The following HMGA2 variants were observed in gnomAD, a reference collection of about 807,000 sequenced individuals.
HMGA2 encodes the protein high mobility group AT-hook 2.
A neutral mutation model predicts 19.1 loss-of-function variants in HMGA2; 8 were observed. The ratio of observed to expected loss-of-function variants is 0.42; its 90% CI spans 0.25 to 0.76. HMGA2 has a LOEUF of 0.76. HMGA2 is among the 30% of genes least tolerant of loss of function. HMGA2 has a pLI of 0.28. For missense variants in HMGA2, 109 were observed against 136.3 expected, an observed-to-expected ratio of 0.80 and a Z score of 1.00; for synonymous variants, 60 against 48.8, an observed-to-expected ratio of 1.23 and a Z score of -0.96.
rs1199903745 is a variant in HMGA2 at position 65,965,129 on chromosome 12, TAAATA to T, written c.*1846_*1850del. 1.0e-5 allele frequency: 2 copies of T among 195,328 alleles called. No individual in the cohort carries two copies. The highest frequency in any genetic ancestry group is 8.0e-5 in the East Asian group (1 of 12,466). The allele number at this position is 195,328 out of a possible 1,614,324, so 12.1% of individuals were successfully genotyped here. On this transcript the variant is annotated 3_prime_UTR_variant, in exon 5 of 5. Coordinates refer to ENST00000403681, the MANE Select transcript of HMGA2 (RefSeq NM_003483.6). ...ATACTTTTGCAAAATAAGTAAATAA[TAAATA>T]AAATAAAAGCCAACCTTCAAAGAAA...
At chr12:65,945,338 A>C (rs371441745) in intron 3 of HMGA2, among the ~76,000 whole-genome samples, 1 of 152,302 alleles carries the variant, frequency 6.6e-6, no homozygotes, top group East Asian at 1.9e-4. Context: ...AAGTTTTAAA[A>C]CTAAATCCGG....
intron 3 of HMGA2, among the ~76,000 whole-genome samples, chr12:65,888,457 C>A (rs1004268019): frequency 1.3e-5 from 2 of 149,744 alleles, no homozygotes; most frequent in Non-Finnish European, 3.0e-5. Flanking sequence ...TCAGTCCCCC[C>A]CAAAAAAAGA....
chr12:65,861,750 T>C (rs932549432), intron 3 of HMGA2, among the ~76,000 whole-genome samples: 2 of 151,874 alleles, frequency 1.3e-5, no homozygotes, highest in African/African-American at 4.8e-5. Context: ...TACTTAAATT[T>C]TTTTTCTCTC....
At chr12:65,952,296 T>C in intron 4 of HMGA2, 1 of 1,138,798 alleles carries the variant, frequency 8.8e-7, no homozygotes, top group Non-Finnish European at 1.3e-6. Flanking sequence ...ATTTTAAGTA[T>C]CCATGAAATT....
In HMGA2 at chr12:65,839,228, T is replaced by A. The variant is rs573275823; in HGVS notation, c.249+659T>A. ...ATCCTGTATCTTTTGAGGCCAGAAA[T>A]TCAGTGGTCACTGAAGAGCTTTGCT... is the stretch of plus-strand genomic sequence containing the variant. On this transcript the variant is annotated intron_variant, in intron 3 of 4. Transcript: ENST00000403681. Among the ~76,000 whole-genome samples the A allele has an allele frequency of 2.6e-5, 4 of 152,194 alleles. No individual in the cohort carries two copies. In the East Asian group the frequency reaches 7.7e-4, roughly 29 times the overall value.
At chr12:65,959,394 G>A (rs1396810295) in intron 4 of HMGA2, among the ~76,000 whole-genome samples, 1 of 152,084 alleles carries the variant, frequency 6.6e-6, no homozygotes, top group Non-Finnish European at 1.5e-5. Context: ...CAAAGTAAGT[G>A]CACTTTTCCA....
chr12:65,859,918 T>C (rs1186134116), intron 3 of HMGA2: 1 of 213,780 alleles, frequency 4.7e-6, no homozygotes, highest in Non-Finnish European at 9.8e-6. Context: ...GCCCCATCTC[T>C]AAAAAAAAAA....
chr12:65,825,294 G>C lies in HMGA2; in HGVS notation c.24G>C (p.Ala8=). 1.3e-6 allele frequency: 2 copies of C among 1,533,770 alleles called. No individual in the cohort carries two copies. The highest frequency in any genetic ancestry group is 1.7e-6 in the Non-Finnish European group (2 of 1,144,282). The change falls in exon 1 of 5, where the codon GCG becomes GCC. Residue 8 remains alanine, a synonymous_variant. Coordinates refer to ENST00000403681, the MANE Select transcript of HMGA2 (RefSeq NM_003483.6). The surrounding 1 kb of genome is among the most constrained non-coding windows in gnomAD (Gnocchi z 4.4). ...GGATGAGCGCACGCGGTGAGGGCGC[G>C]GGGCAGCCGTCCACTTCAGCCCAGG... The part of the protein sequence containing the change: MSARGEG[A]GQPSTSAQGQ...
At chr12:65,943,748 G>A (rs1876168415) in intron 3 of HMGA2, among the ~76,000 whole-genome samples, 2 of 152,100 alleles carry the variant, frequency 1.3e-5, no homozygotes, top group Non-Finnish European at 2.9e-5. Flanking sequence ...GCACCATAAG[G>A]GCCAGATGTT....
intron 3 of HMGA2, among the ~76,000 whole-genome samples, chr12:65,896,857 G>A (rs1303312275): frequency 6.6e-6 from 1 of 152,208 alleles, no homozygotes; most frequent in South Asian, 2.1e-4. Context: ...TAGTTGAGAT[G>A]AATGAGTCTG....
chr12:65,853,625 C>T (rs1871584150), intron 3 of HMGA2, among the ~76,000 whole-genome samples: 1 of 152,112 alleles, frequency 6.6e-6, no homozygotes, highest in Non-Finnish European at 1.5e-5. Flanking sequence ...CTCGCTTAAT[C>T]GTTTTTGGCC....
chr12:65,924,879 CTTCCTATTTTCTTCCA>C (rs1212720766), intron 3 of HMGA2, among the ~76,000 whole-genome samples: 1 of 152,166 alleles, frequency 6.6e-6, no homozygotes, highest in African/African-American at 2.4e-5. Context: ...CAGAACAGGT[CTTCCTATTTTCTTCCA>C]TCCCTCTTCT....
At chr12:65,888,193 C>A (rs894471774) in intron 3 of HMGA2, among the ~76,000 whole-genome samples, 1 of 152,010 alleles carries the variant, frequency 6.6e-6, no homozygotes, top group African/African-American at 2.4e-5. Flanking sequence ...CAGTGGCACA[C>A]ACCTGTAATC....
At chr12:65,868,684 A>T (rs1872559698) in intron 3 of HMGA2, among the ~76,000 whole-genome samples, 2 of 152,178 alleles carry the variant, frequency 1.3e-5, no homozygotes, top group Admixed American at 6.5e-5. Flanking sequence ...TGGTTTGTGG[A>T]ATCATGACAT....
chr12:65,958,073 C>T lies in HMGA2; in HGVS notation c.283-5172C>T, dbSNP rs779955929. ...TGCAGTGTAGATAGACATGTATAGT[C>T]ATTACTGGGCTGACACGGTGGGACT... On this transcript the variant is annotated intron_variant, in intron 4 of 4. Transcript: ENST00000403681. 5 of 152,036 alleles carry T rather than the reference C, an allele frequency of 3.3e-5. 1 individual carries two copies. Among genetic ancestry groups the T allele is most frequent in the Non-Finnish European group, 7.4e-5 (5 of 68,002 alleles). The allele number at this position is 152,036 out of a possible 1,614,324, so 9.4% of individuals were successfully genotyped here. A position where few individuals can be genotyped will look rare whatever the true frequency, so the allele number is the denominator to read the frequency against.
intron 3 of HMGA2, among the ~76,000 whole-genome samples, chr12:65,887,363 C>T (rs182798254): frequency 2.7e-4 from 41 of 152,150 alleles, no homozygotes; most frequent in African/African-American, 7.0e-4. Context: ...TGAGATGGGT[C>T]GATCACCTGA....
rs534325391 is a variant in HMGA2 at position 65,929,940 on chromosome 12, G to A, written c.250-21443G>A. 2.6e-5 allele frequency among the ~76,000 whole-genome samples: 4 copies of A among 152,238 alleles called. No individual in the cohort carries two copies. The East Asian group carries it at 7.7e-4, about 29-fold the overall frequency. On this transcript the variant is annotated intron_variant, in intron 3 of 4. Coordinates refer to ENST00000403681, the MANE Select transcript of HMGA2 (RefSeq NM_003483.6). ...ACATATTAAGTATGGGATATGTGGC[G>A]AGGAATAGAGGTTTTTATATACAGA...
At chr12:65,942,916 G>T (rs1005971525) in intron 3 of HMGA2, among the ~76,000 whole-genome samples, 1 of 151,844 alleles carries the variant, frequency 6.6e-6, no homozygotes, top group Non-Finnish European at 1.5e-5. Context: ...CTTCTACTTC[G>T]TCTTCAAATT....
Position 65,946,228 on chromosome 12 carries a change from A to G in HMGA2, c.250-5155A>G, listed in dbSNP as rs191077476. ...TGGAAAACAATCTACATGAAAAAAG[A>G]TTATGCTATGGCACAGAAGTACCTA... On this transcript the variant is annotated intron_variant, in intron 3 of 4. Coordinates refer to ENST00000403681, the MANE Select transcript of HMGA2 (RefSeq NM_003483.6). 3.0e-3 allele frequency among the ~76,000 whole-genome samples: 462 copies of G among 152,334 alleles called. 3 individuals carry two copies. The highest frequency in any genetic ancestry group is 5.2e-3 in the Non-Finnish European group (351 of 68,028).
Sources: allele counts gnomAD v4.1 joint callset (sites outside exome capture counted in the v4.1 genomes callset), GRCh38; gene constraint gnomAD v4.1.1; non-coding constraint Gnocchi (gnomAD v3.1); transcripts MANE v1.5; gene names NCBI Gene and HGNC (gene_info 2026-07-23, HGNC 2026-07-21).